The following SKI variants were observed in gnomAD, a reference collection of about 807,000 sequenced individuals.
SKI encodes ski oncogene.
In SKI, 23 loss-of-function variants were observed where a neutral mutation model predicts 59.3. The observed-to-expected ratio is 0.39, with a 90% CI of 0.28 to 0.55. The LOEUF is 0.55. SKI is among the 20% of genes least tolerant of loss of function. SKI has a pLI of 0.67. For synonymous variants in SKI, 673 were observed against 488.6 expected (o/e 1.38, Z -4.98); for missense variants, 1,017 against 1,038.9 (o/e 0.98, Z 0.29).
At chr1:2,233,563 C>T (rs777925317) in intron 1 of SKI, among the ~76,000 whole-genome samples, 8 of 152,062 alleles carry the variant, frequency 5.3e-5, no homozygotes, top group Admixed American at 2.0e-4. Context: ...AAGCTCTGCG[C>T]GCTTCCCAGT....
rs181742955 is a variant in SKI, at chr1:2,245,902, T to G, written c.969+16167T>G. ...ACCTCCGCCTCCCAGGTTCAAGTGA[T>G]TCTCCTGCCTCAGCCTCCTGAGTAG... is the stretch of plus-strand genomic sequence containing the variant. On this transcript the variant is annotated intron_variant, in intron 1 of 6. Transcript: ENST00000378536. Among the ~76,000 whole-genome samples, 1,453 of 148,660 alleles carry G rather than the reference T, an allele frequency of 9.8e-3. 18 individuals are homozygous for G. The highest frequency in any genetic ancestry group is 0.016 in the Non-Finnish European group (1,055 of 67,628).
chr1:2,233,488 G>T (rs949285220), intron 1 of SKI, among the ~76,000 whole-genome samples: 2 of 152,120 alleles, frequency 1.3e-5, no homozygotes, highest in East Asian at 3.9e-4. Flanking sequence ...AGGTCCCCTT[G>T]CCCTTGCGCT....
chr1:2,289,558 G>A (rs1330209777), intron 1 of SKI, among the ~76,000 whole-genome samples: 1 of 129,256 alleles, frequency 7.7e-6, no homozygotes, highest in Non-Finnish European at 1.6e-5. Context: ...TGCAGGGCAG[G>A]GCAGGAGAAC....
Position 2,304,333 on chromosome 1 carries a change from C to G in SKI, c.1515C>G (p.Thr505=). The part of the protein sequence containing the change: ...SLSSLSSPSF[T]SSSSAKDLGS... ...CCTCGCTCTCTTCCCCGTCCTTTAC[C>G]TCATCCAGCTCCGCCAAGGACCTGG... Residue 505 remains threonine, a synonymous_variant, in exon 5 of 7, where the codon ACC becomes ACG. Transcript: ENST00000378536. 6.4e-7 allele frequency: 1 copy of G among 1,551,650 alleles called. No homozygotes were observed.
intron 1 of SKI, among the ~76,000 whole-genome samples, chr1:2,260,535 C>CTTTTTCTTTTTTTTTTT (rs1639362890): frequency 1.5e-5 from 1 of 67,820 alleles, no homozygotes; most frequent in African/African-American, 6.2e-5. Context: ...TGTTCTTTTT[C>CTTTTTCTTTTTTTTTTT]TTTTTTTTTT....
intron 1 of SKI, among the ~76,000 whole-genome samples, chr1:2,253,750 G>A (rs774168366): frequency 1.3e-5 from 2 of 152,194 alleles, no homozygotes; most frequent in African/African-American, 2.4e-5. Flanking sequence ...CGGGTCCCTC[G>A]TGCCCTGGTG....
chr1:2,247,989 T>G (rs1183619007), intron 1 of SKI: 1 of 152,604 alleles, frequency 6.6e-6, no homozygotes, highest in Non-Finnish European at 1.5e-5. Flanking sequence ...GCTCTGCTGG[T>G]GGTGACGGGG....
intron 4 of SKI, 71 bp downstream of exon 4, chr1:2,304,173 T>C: frequency 6.3e-7 from 1 of 1,592,000 alleles, no homozygotes; most frequent in Non-Finnish European, 8.5e-7. Context: ...GGGGGGCTGG[T>C]CGCCGGGGGT....
chr1:2,239,625 G>A (rs1469329840), intron 1 of SKI, among the ~76,000 whole-genome samples: 2 of 152,262 alleles, frequency 1.3e-5, no homozygotes, highest in African/African-American at 2.4e-5. Context: ...GGCAAGGGCC[G>A]GTCCTGGTGG....
intron 1 of SKI, among the ~76,000 whole-genome samples, chr1:2,259,196 C>T (rs1366164552): frequency 6.6e-6 from 1 of 152,212 alleles, no homozygotes; most frequent in African/African-American, 2.4e-5. Flanking sequence ...CCCCACCGCC[C>T]TCGCCGGTGC....
In SKI at chr1:2,306,609, G is replaced by C; in HGVS notation, c.2031G>C (p.Ala677=). The part of the protein sequence containing the change: ...IEDLQVKLQH[A]EADREQLRAD... The stretch of plus-strand genomic sequence containing the variant: ...ACCTGCAGGTGAAGCTGCAGCACGC[G>C]GAGGCGGACCGGGAGCAGCTGCGGG... The change falls in exon 7 of 7, where the codon GCG becomes GCC. Residue 677 remains alanine, a synonymous_variant. Transcript: ENST00000378536. 6.5e-7 allele frequency: 1 copy of C among 1,544,576 alleles called. No homozygotes were observed. Among genetic ancestry groups the C allele is most frequent in the Non-Finnish European group, 8.7e-7 (1 of 1,145,602 alleles).
In SKI at chr1:2,228,941, G is replaced by A. The variant is rs1440053059; in HGVS notation, c.175G>A (p.Ala59Thr). The change falls in exon 1 of 7, where the codon GCG (alanine) becomes ACG (threonine). Residue 59 changes from alanine to threonine, a missense_variant. Transcript: ENST00000378536. ...KESAKEAGAA[A>T]VPAPVPAATE... Reference sequence around the variant, plus strand: ...GAGCGCCAAGGAGGCGGGCGCGGCCGCGGTGCCGGCGCCGGTGCCCGCAGC... The same window carrying A: ...GAGCGCCAAGGAGGCGGGCGCGGCCACGGTGCCGGCGCCGGTGCCCGCAGC... 2 of 1,386,848 alleles carry A rather than the reference G, an allele frequency of 1.4e-6. No homozygotes were observed. Among genetic ancestry groups the A allele is most frequent in the Non-Finnish European group, 9.4e-7 (1 of 1,067,952 alleles). The allele number at this position is 1,386,848 out of a possible 1,614,324, so 85.9% of individuals were successfully genotyped here.
At chr1:2,243,295 A>C (rs1436078250) in intron 1 of SKI, among the ~76,000 whole-genome samples, 1 of 152,252 alleles carries the variant, frequency 6.6e-6, no homozygotes, top group East Asian at 1.9e-4. Flanking sequence ...ACGAGATGTC[A>C]GTGTGCTCCG....
chr1:2,231,411 C>A (rs78634978), intron 1 of SKI, among the ~76,000 whole-genome samples: 84 of 152,306 alleles, frequency 5.5e-4, no homozygotes, highest in African/African-American at 1.9e-3. Context: ...TTTCTGTCTT[C>A]CTGGGCTTTG....
rs1475570086 is a variant in SKI, at chr1:2,306,217, G to A, written c.1965G>A (p.Glu655=). The change falls in exon 6 of 7, where the codon GAG becomes GAA. Residue 655 remains glutamate, a synonymous_variant. Transcript: ENST00000378536. ...RQARVCDKGC[E]AGRLRAKYSA... The stretch of plus-strand genomic sequence containing the variant: ...CCCGGGTGTGCGACAAGGGCTGCGA[G>A]GCGGGCCGCCTGCGCGCCAAGTACT... 1 of 1,567,346 alleles carries A rather than the reference G, an allele frequency of 6.4e-7. No individual in the cohort carries two copies. Among genetic ancestry groups the A allele is most frequent in the African/African-American group, 1.4e-5 (1 of 73,980 alleles).
chr1:2,276,110 T>G (rs2100863280), intron 1 of SKI, among the ~76,000 whole-genome samples: 1 of 152,344 alleles, frequency 6.6e-6, no homozygotes, highest in Non-Finnish European at 1.5e-5. Context: ...GGAGAAGACG[T>G]GAGGAGTGGC....
Position 2,295,290 on chromosome 1 carries a change from T to TGG in SKI, c.970-7687_970-7686insGG, listed in dbSNP as rs1373947750. Among the ~76,000 whole-genome samples the TGG allele has an allele frequency of 5.9e-5, 9 of 152,384 alleles. No homozygotes were observed. The East Asian group carries it at 1.3e-3, about 23-fold the overall frequency. Reference sequence around the variant, plus strand: ...CCTCTGGCTCCCAGGCATCTCATCCTGTCTGGCTCTGAGGGCCGTGCTGCA... The same window carrying TGG: ...CCTCTGGCTCCCAGGCATCTCATCCTGGGTCTGGCTCTGAGGGCCGTGCTGCA... On this transcript the variant is annotated intron_variant, in intron 1 of 6. Transcript: ENST00000378536.
At chr1:2,286,835 T>G (rs1640049745) in intron 1 of SKI, among the ~76,000 whole-genome samples, 1 of 152,236 alleles carries the variant, frequency 6.6e-6, no homozygotes, top group Non-Finnish European at 1.5e-5. Context: ...TTACACGGGC[T>G]GGGAATGGCA....
At chr1:2,243,383 C>G (rs1326401152) in intron 1 of SKI, among the ~76,000 whole-genome samples, 2 of 152,250 alleles carry the variant, frequency 1.3e-5, no homozygotes, top group Admixed American at 1.3e-4. Flanking sequence ...CCCGCCTGCC[C>G]TTTCTGCAGC....
Sources: gnomAD v4.1 joint callset for allele counts (sites outside exome capture counted in the v4.1 genomes callset) on GRCh38, gnomAD v4.1.1 for gene constraint, MANE v1.5 for transcripts, NCBI Gene and HGNC (gene_info 2026-07-23, HGNC 2026-07-21) for gene names.